Variants in DDR2 observed in about 807,000 individuals in gnomAD.
DDR2 encodes the protein discoidin domain-containing receptor 2.
Under a neutral mutation model 94.9 loss-of-function variants are expected in DDR2, and 27 were observed. The ratio of observed to expected loss-of-function variants is 0.28; its 90% CI spans 0.21 to 0.39. The LOEUF (loss-of-function observed/expected upper bound fraction) is 0.39, where lower values mean the gene tolerates loss of function less well. Among genes scored for constraint, DDR2 ranks in the 10% least tolerant of loss-of-function variants. DDR2 has a pLI of 1.00. For missense variants in DDR2, 783 were observed against 1,076.0 expected, an observed-to-expected ratio of 0.73 and a Z score of 3.81; for synonymous variants, 382 against 377.2, an observed-to-expected ratio of 1.01 and a Z score of -0.15.
At chr1:162,662,204 TTCATTCATTCATTCAC>T (rs1330762340) in intron 2 of DDR2, among the ~76,000 whole-genome samples, 4 of 152,220 alleles carry the variant, frequency 2.6e-5, no homozygotes, top group South Asian at 4.1e-4. Flanking sequence ...AATGTATTCA[TTCATTCATTCATTCAC>T]TCATTCATTC....
At chr1:162,668,470 G>C (rs1219818914) in intron 2 of DDR2, among the ~76,000 whole-genome samples, 1 of 152,180 alleles carries the variant, frequency 6.6e-6, no homozygotes, top group African/African-American at 2.4e-5. Flanking sequence ...AGTTCTGGAG[G>C]CTAGAAGTCC....
At chr1:162,691,836 T>C (rs1238181145) in intron 2 of DDR2, among the ~76,000 whole-genome samples, 1 of 152,218 alleles carries the variant, frequency 6.6e-6, no homozygotes, top group Admixed American at 6.5e-5. Flanking sequence ...GGAAGATACA[T>C]AAATTGCCAT....
At chr1:162,736,592 G>T (rs1458546583) in intron 3 of DDR2, among the ~76,000 whole-genome samples, 2 of 152,152 alleles carry the variant, frequency 1.3e-5, no homozygotes, top group African/African-American at 4.8e-5. Flanking sequence ...GCTTCTAAAT[G>T]GATGTCATCA....
chr1:162,636,120 G>A (rs1357155186), intron 1 of DDR2, among the ~76,000 whole-genome samples: 2 of 152,110 alleles, frequency 1.3e-5, no homozygotes, highest in African/African-American at 2.4e-5. Context: ...ATTCATGTAC[G>A]ATTTGGCTAA....
Position 162,783,549 on chromosome 1 carries a change from T to C in DDR2, c.*3303T>C, listed in dbSNP as rs1404407279. On this transcript the variant is annotated 3_prime_UTR_variant, in exon 18 of 18. Transcript: ENST00000367921. Reference sequence around the variant, plus strand: ...GTAGAAACAGGAGTAGCTAGAGCCATTGGGAATCCATTTTGAAACAAGAAG... The same window carrying C: ...GTAGAAACAGGAGTAGCTAGAGCCACTGGGAATCCATTTTGAAACAAGAAG... The C allele has an allele frequency of 6.6e-6, 1 of 152,072 alleles. No homozygotes were observed. The highest frequency in any genetic ancestry group is 1.5e-5 in the Non-Finnish European group (1 of 68,014). 9.4% of individuals were successfully genotyped at this position (152,072 alleles called of 1,614,324 possible).
Position 162,778,696 on chromosome 1 carries a change from T to C in DDR2, c.2400T>C (p.Asn800=), listed in dbSNP as rs766236162. ...SQLSDEQVIE[N]TGEFFRDQGR... The stretch of plus-strand genomic sequence containing the variant: ...TGTCAGATGAACAGGTTATTGAGAA[T>C]ACTGGAGAGTTCTTCCGAGACCAAG... The change falls in exon 17 of 18, where the codon AAT becomes AAC. Residue 800 remains asparagine (N), a synonymous_variant. Transcript: ENST00000367921. 3.1e-6 allele frequency: 5 copies of C among 1,614,012 alleles called. No homozygotes were observed. The highest frequency in any genetic ancestry group is 4.2e-6 in the Non-Finnish European group (5 of 1,179,902).
chr1:162,723,770 A>G (rs1333623785), intron 3 of DDR2, among the ~76,000 whole-genome samples: 1 of 152,186 alleles, frequency 6.6e-6, no homozygotes, highest in African/African-American at 2.4e-5. Flanking sequence ...GAGGCAGGGC[A>G]GTGCTGGAAC....
At chr1:162,734,878 A>C (rs896431475) in intron 3 of DDR2, among the ~76,000 whole-genome samples, 4 of 152,174 alleles carry the variant, frequency 2.6e-5, no homozygotes, top group African/African-American at 9.7e-5. Flanking sequence ...TGACAGAATA[A>C]AGTTTTAGGA....
chr1:162,654,711 A>C (rs1657872051), intron 1 of DDR2, among the ~76,000 whole-genome samples: 1 of 152,306 alleles, frequency 6.6e-6, no homozygotes, highest in African/African-American at 2.4e-5. Context: ...TAATAATAAT[A>C]CTAAGTTGTT....
At chr1:162,715,680 A>G (rs1176913328) in intron 2 of DDR2, among the ~76,000 whole-genome samples, 2 of 152,252 alleles carry the variant, frequency 1.3e-5, no homozygotes, top group Non-Finnish European at 2.9e-5. Context: ...TTGGTCACCT[A>G]TCAGGTGTGT....
rs963677944 is a variant in DDR2, at chr1:162,671,657, A to G, written c.-28+16283A>G. 3.3e-5 allele frequency among the ~76,000 whole-genome samples: 5 copies of G among 151,942 alleles called. No homozygotes were observed. The East Asian group carries it at 9.7e-4, about 29-fold the overall frequency. On this transcript the variant is annotated intron_variant, in intron 2 of 17. Coordinates refer to ENST00000367921, the MANE Select transcript of DDR2 (RefSeq NM_006182.4). ...TTCTCTCTTCCTAGTCTCCTTTCTA[A>G]TTAGCCTTTCTAGCCCAATAAATTA...
At chr1:162,734,628 G>A (rs1403000456) in intron 3 of DDR2, among the ~76,000 whole-genome samples, 1 of 152,200 alleles carries the variant, frequency 6.6e-6, no homozygotes, top group Non-Finnish European at 1.5e-5. Flanking sequence ...GGATGAGCAG[G>A]AGCTAGTGAG....
At chr1:162,719,248 G>C (rs1661302665) in intron 3 of DDR2, 103 bp downstream of exon 3, 2 of 1,579,334 alleles carry the variant, frequency 1.3e-6, no homozygotes, top group Non-Finnish European at 1.7e-6. Flanking sequence ...GGACTACAAA[G>C]CTCTTTCTTT....
At chr1:162,711,605 C>A (rs1198380882) in intron 2 of DDR2, among the ~76,000 whole-genome samples, 7 of 152,168 alleles carry the variant, frequency 4.6e-5, no homozygotes, top group Admixed American at 1.3e-4. Context: ...CTCAAACTTT[C>A]CATTTTGTTG....
chr1:162,779,164 G>C (rs1647756546), intron 17 of DDR2, among the ~76,000 whole-genome samples: 1 of 152,180 alleles, frequency 6.6e-6, no homozygotes, highest in Non-Finnish European at 1.5e-5. Context: ...TCTAGACTTG[G>C]ATGTCTGAAA....
intron 1 of DDR2, among the ~76,000 whole-genome samples, chr1:162,649,408 C>A (rs1324113864): frequency 6.6e-6 from 1 of 152,066 alleles, no homozygotes; most frequent in African/African-American, 2.4e-5. Context: ...TAGTGTCATG[C>A]AAAGAAACAA....
chr1:162,749,999 T>C (rs1663099632), intron 3 of DDR2, among the ~76,000 whole-genome samples: 2 of 152,150 alleles, frequency 1.3e-5, no homozygotes, highest in South Asian at 2.1e-4. Context: ...TAGGTATTGA[T>C]GGTAAGAGCT....
intron 13 of DDR2, 103 bp from the exon 14 acceptor site, chr1:162,773,366 C>T: frequency 1.3e-6 from 2 of 1,488,380 alleles, no homozygotes; most frequent in South Asian, 1.1e-5. Context: ...GATCATTTTG[C>T]CTGAGTTGTA....
intron 2 of DDR2, among the ~76,000 whole-genome samples, chr1:162,670,254 G>C (rs1658766976): frequency 1.3e-5 from 2 of 152,172 alleles, no homozygotes; most frequent in Non-Finnish European, 2.9e-5. Flanking sequence ...GGGATTACAG[G>C]CATGCGCCAC....
Sources: allele counts gnomAD v4.1 joint callset (sites outside exome capture counted in the v4.1 genomes callset), GRCh38; gene constraint gnomAD v4.1.1; transcripts MANE v1.5; gene names NCBI Gene and HGNC (gene_info 2026-07-23, HGNC 2026-07-21).